Variants in DNAH7 observed in about 807,000 individuals in gnomAD.
The protein encoded by DNAH7 is axonemal beta dynein heavy chain 7.
DNAH7 carries 397 observed loss-of-function variants against 444.6 expected under a neutral mutation model. That is an observed-to-expected ratio of 0.89 (90% CI 0.82 to 0.97). The LOEUF (loss-of-function observed/expected upper bound fraction) is 0.97, where lower values mean the gene tolerates loss of function less well. Ranked by LOEUF, DNAH7 falls within the 50% of genes least tolerant of loss-of-function variation. DNAH7 has a pLI of 0.00. For synonymous variants in DNAH7, 1,636 were observed against 1,624.4 expected, an observed-to-expected ratio of 1.01 and a Z score of -0.17; for missense variants, 4,902 against 4,800.8, an observed-to-expected ratio of 1.02 and a Z score of -0.62.
intron 60 of DNAH7, 59 bp from the exon 61 acceptor site, chr2:195,771,949 T>C: frequency 1.4e-6 from 2 of 1,388,746 alleles, no homozygotes; most frequent in Non-Finnish European, 1.0e-6. Flanking sequence ...AATAGCTGAA[T>C]AGGAAAAATC....
intron 5 of DNAH7, among the ~76,000 whole-genome samples, chr2:196,045,364 A>C (rs1697054184): frequency 6.6e-6 from 1 of 151,134 alleles, no homozygotes; most frequent in Non-Finnish European, 1.5e-5. Context: ...GAAGGAAGAA[A>C]GGAGACAGAG....
chr2:196,023,916 AAGG>A (rs1695527025), intron 8 of DNAH7, among the ~76,000 whole-genome samples: 1 of 152,154 alleles, frequency 6.6e-6, no homozygotes, highest in Admixed American at 6.6e-5. Flanking sequence ...GGCCTTAGGA[AAGG>A]AGGAGAAATG....
At chr2:196,045,322 G>T (rs1697049223) in intron 5 of DNAH7, among the ~76,000 whole-genome samples, 1 of 150,778 alleles carries the variant, frequency 6.6e-6, no homozygotes, top group Admixed American at 6.6e-5. Context: ...AAAGAGGAAA[G>T]AATAAAAGAG....
intron 19 of DNAH7, among the ~76,000 whole-genome samples, chr2:195,954,598 A>G (rs534673915): frequency 6.6e-6 from 1 of 152,226 alleles, no homozygotes; most frequent in Non-Finnish European, 1.5e-5. Flanking sequence ...TTGAGGAATC[A>G]CCACACTGTC....
At chr2:195,865,862 A>G (rs1298427062) in intron 40 of DNAH7, among the ~76,000 whole-genome samples, 1 of 152,158 alleles carries the variant, frequency 6.6e-6, no homozygotes, top group East Asian at 1.9e-4. Context: ...AAGAGGCATT[A>G]AAGCGCTCTC....
intron 24 of DNAH7, among the ~76,000 whole-genome samples, chr2:195,919,777 T>C (rs1039603501): frequency 6.6e-6 from 1 of 152,218 alleles, no homozygotes; most frequent in African/African-American, 2.4e-5. Context: ...TTTATAGAGA[T>C]GACTGGGTTG....
chr2:195,783,940 A>G (rs1263272956), intron 58 of DNAH7, among the ~76,000 whole-genome samples: 1 of 152,166 alleles, frequency 6.6e-6, no homozygotes, highest in East Asian at 1.9e-4. Flanking sequence ...ACTATTTTTA[A>G]AGAACAGTTT....
Position 195,922,181 on chromosome 2 carries a change from G to T in DNAH7, c.3842C>A (p.Thr1281Lys). The change falls in exon 24 of 65, where the codon ACA becomes AAA. Residue 1281 changes from threonine to lysine, a missense_variant. By Grantham distance (78) the Thr-to-Lys change is moderately conservative (BLOSUM62 -1). Coordinates refer to ENST00000312428, the MANE Select transcript of DNAH7 (RefSeq NM_018897.3). Reference protein sequence around the residue: ...RYYWQENHLETKMINAGLRYG... With the variant: ...RYYWQENHLEKKMINAGLRYG... ...TCGCAAACCAGCATTGATCATTTTT[G>T]TTTCTAAATGATTTTCCTAGGATAA... The T allele has an allele frequency of 1.2e-6, 2 of 1,603,818 alleles. No individual in the cohort carries two copies. The highest frequency in any genetic ancestry group is 8.5e-7 in the Non-Finnish European group (1 of 1,170,970).
At chr2:195,886,358 T>C in intron 33 of DNAH7, 86 bp from the exon 34 acceptor site, 2 of 1,241,092 alleles carry the variant, frequency 1.6e-6, no homozygotes, top group South Asian at 3.0e-5. Context: ...TAAGCTCATT[T>C]AATTTTAACA....
intron 1 of DNAH7, among the ~76,000 whole-genome samples, chr2:196,061,456 C>A (rs1191432044): frequency 6.6e-6 from 1 of 152,162 alleles, no homozygotes; most frequent in Non-Finnish European, 1.5e-5. Context: ...TAAACTCCCA[C>A]AAACCCTACC....
chr2:196,003,442 A>C (rs941331319), intron 10 of DNAH7, among the ~76,000 whole-genome samples: 1 of 152,024 alleles, frequency 6.6e-6, no homozygotes, highest in Admixed American at 6.6e-5. Flanking sequence ...TATTTATATG[A>C]CTCCCTATTA....
At chr2:195,777,384 A>C (rs762865262) in intron 59 of DNAH7, among the ~76,000 whole-genome samples, 7 of 152,210 alleles carry the variant, frequency 4.6e-5, no homozygotes, top group Non-Finnish European at 7.3e-5. Context: ...TAAAATAATA[A>C]TACCAATGTT....
intron 63 of DNAH7, among the ~76,000 whole-genome samples, chr2:195,753,754 G>A (rs1052926411): frequency 6.6e-6 from 1 of 152,160 alleles, no homozygotes; most frequent in African/African-American, 2.4e-5. Context: ...GCCATAAAGT[G>A]TAGACAATCA....
chr2:195,890,893 A>G (rs1228569247), intron 31 of DNAH7, among the ~76,000 whole-genome samples: 1 of 152,224 alleles, frequency 6.6e-6, no homozygotes, highest in Non-Finnish European at 1.5e-5. Flanking sequence ...GAAAGAAAAC[A>G]CTTATAAAAA....
intron 7 of DNAH7, among the ~76,000 whole-genome samples, chr2:196,026,408 T>A (rs1695690957): frequency 6.6e-6 from 1 of 152,162 alleles, no homozygotes; most frequent in Non-Finnish European, 1.5e-5. Context: ...CACCAAAAGA[T>A]CCTGGAATGA....
intron 57 of DNAH7, among the ~76,000 whole-genome samples, chr2:195,792,766 T>C (rs1695946162): frequency 1.3e-5 from 2 of 151,848 alleles, no homozygotes; most frequent in South Asian, 2.1e-4. Flanking sequence ...ATATCTAACT[T>C]ATCTAATTTA....
Position 195,960,608 on chromosome 2 carries a change from C to G in DNAH7, c.2543G>C (p.Gly848Ala). Residue 848 changes from glycine (G) to alanine (A), a missense_variant, in exon 18 of 65, where the codon GGT becomes GCT. Transcript: ENST00000312428. ...IPLIQVICNPGLRPRHWEAMS... is the reference protein window; with the variant it reads ...IPLIQVICNPALRPRHWEAMS... Reference sequence around the variant, plus strand: ...GGCCTCCCAGTGCCTGGGGCGCAAACCAGGATTACAGATCACTTGAATGAG... The same window carrying G: ...GGCCTCCCAGTGCCTGGGGCGCAAAGCAGGATTACAGATCACTTGAATGAG... The G allele has an allele frequency of 1.9e-6, 3 of 1,614,192 alleles. No homozygotes were observed. The highest frequency in any genetic ancestry group is 2.5e-6 in the Non-Finnish European group (3 of 1,180,032).
At chr2:195,888,136 A>G in intron 33 of DNAH7, 122 bp downstream of exon 33, 6 of 810,114 alleles carry the variant, frequency 7.4e-6, no homozygotes, top group Non-Finnish European at 3.7e-6. Context: ...TTTTAATTTA[A>G]TCAAAAAGGT....
chr2:195,747,118 G>A (rs1349625254), intron 63 of DNAH7, among the ~76,000 whole-genome samples: 1 of 151,974 alleles, frequency 6.6e-6, no homozygotes, highest in Non-Finnish European at 1.5e-5. Flanking sequence ...TAATAAAGAA[G>A]AAAAGAGAGA....
Sources: gnomAD v4.1 joint callset for allele counts (sites outside exome capture counted in the v4.1 genomes callset) on GRCh38, gnomAD v4.1.1 for gene constraint, MANE v1.5 for transcripts, NCBI Gene and HGNC (gene_info 2026-07-23, HGNC 2026-07-21) for gene names.